The following CUL4B variants were observed in gnomAD, a reference collection of about 807,000 sequenced individuals.
CUL4B encodes the protein cullin-4B.
Under a neutral mutation model 69.2 loss-of-function variants are expected in CUL4B, and 1 was observed. The observed-to-expected ratio is 0.01, with a 90% CI of 0.01 to 0.07. CUL4B has a LOEUF of 0.07. Ranked by LOEUF, CUL4B falls within the 10% of genes least tolerant of loss-of-function variation. The pLI is 1.00. For missense variants in CUL4B, 328 were observed against 638.8 expected (o/e 0.51, Z 5.24); for synonymous variants, 237 against 223.2 (o/e 1.06, Z -0.55).
chrX:120,543,662 G>A, intron 8 of CUL4B, 65 bp downstream of exon 8: 3 of 774,034 alleles, frequency 3.9e-6, no homozygotes, highest in Non-Finnish European at 6.0e-6. Flanking sequence ...TGTTTAGGAT[G>A]GCTAAAGTGC....
chrX:120,569,656 G>A (rs1320851805), downstream of CUL4B, among the ~76,000 whole-genome samples: 12 of 111,957 alleles, frequency 1.1e-4, no homozygotes, highest in African/African-American at 3.2e-4. Context: ...CACCGCGCCC[G>A]GCTGGGAAGT....
At chrX:120,565,616 A>G (rs371783408), upstream of CUL4B, among the ~76,000 whole-genome samples, 19 of 76,630 alleles carry the variant, frequency 2.5e-4, no homozygotes, top group East Asian at 9.8e-3. Flanking sequence ...CGGGAGGCAG[A>G]GGTTGCAGTG....
rs185848535 is a variant in CUL4B at position 120,559,821 on chromosome X, G to A, written c.556+262C>T. On this transcript the variant is annotated intron_variant, in intron 1 of 19. Transcript: ENST00000371322. The stretch of plus-strand genomic sequence containing the variant: ...ATCATACCGATTGTCAGTGTTATAA[G>A]GAATAACAGATTAAATACAATAGGT... The A allele has an allele frequency of 2.7e-6, 3 of 1,111,230 alleles. No individual in the cohort carries two copies. The East Asian group carries it at 1.1e-4, about 42-fold the overall frequency. The allele number at this position is 1,111,230 out of a possible 1,213,427, so 91.6% of individuals were successfully genotyped here. A position where few individuals can be genotyped will look rare whatever the true frequency, so the allele number is the denominator to read the frequency against.
At chrX:120,551,648 C>T (rs1924694601) in intron 2 of CUL4B, among the ~76,000 whole-genome samples, 1 of 112,474 alleles carries the variant, frequency 8.9e-6, no homozygotes, top group South Asian at 3.6e-4. Context: ...ATCCATCATA[C>T]ATAAATTTAT....
At chrX:120,541,581 T>G in intron 10 of CUL4B, 21 bp downstream of exon 10, 2 of 1,010,848 alleles carry the variant, frequency 2.0e-6, no homozygotes, top group Non-Finnish European at 2.8e-6. Context: ...GAGAGAAAAA[T>G]CACAGGTAAA....
chrX:120,566,617 G>A (rs926202732), downstream of CUL4B, among the ~76,000 whole-genome samples: 10 of 106,717 alleles, frequency 9.4e-5, no homozygotes, highest in Admixed American at 8.1e-4. Flanking sequence ...GGCTGGTCTC[G>A]AACTCCCAAC....
intron 2 of CUL4B, among the ~76,000 whole-genome samples, chrX:120,552,355 C>T (rs1924739624): frequency 8.9e-6 from 1 of 112,561 alleles, no homozygotes; most frequent in African/African-American, 3.2e-5. Context: ...ACCATGTTGG[C>T]CAAGCTGGTC....
At chrX:120,574,519 A>T (rs757084583) in intron 2 of CUL4B, 1 of 1,143,645 alleles carries the variant, frequency 8.7e-7, no homozygotes, top group African/African-American at 1.8e-5. Flanking sequence ...ATTTAGACTT[A>T]ACTCTTGAGT....
intron 2 of CUL4B, among the ~76,000 whole-genome samples, chrX:120,556,558 G>A (rs190021180): frequency 1.5e-4 from 17 of 110,696 alleles, no homozygotes; most frequent in African/African-American, 4.6e-4. Context: ...TGAGAGTGAC[G>A]GCTGGGTTTG....
At position 120,534,366 on chromosome X, in the gene CUL4B, A is replaced by G. The variant is rs775488694; in HGVS notation, c.2266+115T>C. ...TGAGACCCTGTCTCATTAAAAAAAAAGAAAAAAAAAACTCAAAACAGTTCT... is the reference window on the plus strand; with the variant it reads ...TGAGACCCTGTCTCATTAAAAAAAAGGAAAAAAAAAACTCAAAACAGTTCT... On this transcript the variant is annotated intron_variant, in intron 17 of 19. Coordinates refer to ENST00000371322, the MANE Select transcript of CUL4B (RefSeq NM_001079872.2). The G allele has an allele frequency of 1.4e-4, 77 of 561,482 alleles. No homozygotes were observed. The East Asian group carries it at 2.5e-3, about 18-fold the overall frequency. 46.3% of individuals were successfully genotyped at this position (561,482 alleles called of 1,213,427 possible). A position where few individuals can be genotyped will look rare whatever the true frequency, so the allele number is the denominator to read the frequency against.
intron 2 of CUL4B, among the ~76,000 whole-genome samples, chrX:120,556,989 G>A (rs150721026): frequency 0.036 from 3,874 of 106,560 alleles, 195 homozygotes; most frequent in African/African-American, 0.13. Context: ...TCGGCTCACC[G>A]CAACCTCTAC....
At chrX:120,545,915 T>C (rs1924293525) in intron 4 of CUL4B, among the ~76,000 whole-genome samples, 1 of 109,597 alleles carries the variant, frequency 9.1e-6, no homozygotes, top group East Asian at 2.8e-4. Flanking sequence ...ATCTGTAGAA[T>C]ATAAGGTATA....
downstream of CUL4B, among the ~76,000 whole-genome samples, chrX:120,566,614 C>G (rs1369039881): frequency 9.4e-6 from 1 of 106,927 alleles, no homozygotes; most frequent in Admixed American, 1.0e-4. Context: ...CCAGGCTGGT[C>G]TCGAACTCCC....
intron 2 of CUL4B, among the ~76,000 whole-genome samples, chrX:120,554,221 A>G (rs1924841894): frequency 8.9e-6 from 1 of 112,418 alleles, no homozygotes; most frequent in Non-Finnish European, 1.9e-5. Context: ...ATTTACGTCT[A>G]AAAAACCCTA....
chrX:120,559,888 T>C (rs1925181915), intron 1 of CUL4B, 195 bp downstream of exon 1: 1 of 1,144,977 alleles, frequency 8.7e-7, no homozygotes, highest in Non-Finnish European at 1.2e-6. Flanking sequence ...ACCCGGTGTA[T>C]GCTTCAGCAC....
At chrX:120,537,170 A>C (rs1923722669) in intron 14 of CUL4B, 136 bp from the exon 15 acceptor site, 1 of 502,543 alleles carries the variant, frequency 2.0e-6, no homozygotes, top group Non-Finnish European at 3.4e-6. Flanking sequence ...GCAACTATTA[A>C]GAAGACTTTA....
intron 16 of CUL4B, among the ~76,000 whole-genome samples, chrX:120,535,246 C>A (rs1025782426): frequency 2.7e-5 from 3 of 111,220 alleles, no homozygotes; most frequent in Non-Finnish European, 5.7e-5. Flanking sequence ...CAGTTTTCAT[C>A]CACAGGTGAG....
upstream of CUL4B, among the ~76,000 whole-genome samples, chrX:120,562,386 CAGAG>C (rs1452137794): frequency 8.9e-6 from 1 of 112,147 alleles, no homozygotes; most frequent in African/African-American, 3.2e-5. Context: ...GGGGCATTCT[CAGAG>C]GGAGGTAACA....
chrX:120,559,984 G>A, intron 1 of CUL4B, 99 bp downstream of exon 1: 1 of 1,193,264 alleles, frequency 8.4e-7, no homozygotes, highest in Non-Finnish European at 1.1e-6. Context: ...AAAACATTAG[G>A]CCACCTCCAA....
Sources: gnomAD v4.1 joint callset for allele counts (sites outside exome capture counted in the v4.1 genomes callset) on GRCh38, gnomAD v4.1.1 for gene constraint, MANE v1.5 for transcripts, NCBI Gene and HGNC (gene_info 2026-07-23, HGNC 2026-07-21) for gene names.